MIA2: variants seen among roughly 807,000 people sequenced by gnomAD.
MIA2 encodes the protein MIA SH3 domain ER export factor 2.
In MIA2, 127 loss-of-function variants were observed where a neutral mutation model predicts 167.8. The ratio of observed to expected loss-of-function variants is 0.76; its 90% confidence interval spans 0.66 to 0.88. MIA2 has a LOEUF of 0.88. MIA2 is among the 40% of genes least tolerant of loss of function. The pLI is 0.00. For synonymous variants in MIA2, 552 were observed against 541.9 expected (o/e 1.02, Z -0.26); for missense variants, 1,690 against 1,624.7 (o/e 1.04, Z -0.69).
chr14:39,242,171 A>G (rs2054072886), intron 3 of MIA2, among the ~76,000 whole-genome samples: 1 of 152,204 alleles, frequency 6.6e-6, no homozygotes, highest in Non-Finnish European at 1.5e-5. Flanking sequence ...ATGTATACCA[A>G]TTATACCTCA....
Position 39,299,888 on chromosome 14 carries a change from A to G in MIA2, c.2521A>G (p.Lys841Glu), listed in dbSNP as rs1244376688. ...GCTTTTGCAAGAAGCTGAAGTATGG[A>G]AAGAACAAGTGAGTGAACTTAATAA... ...KQLLQEAEVW[K>E]EQVSELNKQK... Residue 841 changes from lysine (K) to glutamate (E), a missense_variant, in exon 14 of 29, where the codon AAA becomes GAA. Lys to Glu is a moderately conservative substitution (Grantham distance 56, BLOSUM62 1). Transcript: ENST00000640607. 9 of 1,606,124 alleles carry G rather than the reference A, an allele frequency of 5.6e-6. No homozygotes were observed. The Admixed American group carries it at 6.8e-5, about 12-fold the overall frequency.
chr14:39,250,105 T>C (rs940045271), intron 4 of MIA2, among the ~76,000 whole-genome samples: 5 of 152,154 alleles, frequency 3.3e-5, no homozygotes, highest in Non-Finnish European at 5.9e-5. Context: ...CCTAAAGGAA[T>C]ATTTATGAAA....
intron 23 of MIA2, among the ~76,000 whole-genome samples, chr14:39,378,830 TGAA>T: frequency 6.6e-6 from 1 of 152,322 alleles, no homozygotes; most frequent in East Asian, 1.9e-4. Flanking sequence ...AAAAAATTAA[TGAA>T]GACCGAATTT....
chr14:39,248,103 C>G lies in MIA2; in HGVS notation c.1529C>G (p.Thr510Arg), dbSNP rs1180826719. ...FSIDNYPTDN[T>R]KVMIFKSSYS... Reference sequence around the variant, plus strand: ...ATTGATAATTATCCCACAGATAATACAAAAGTTATGATATTCAAAAGTTCA... The same window carrying G: ...ATTGATAATTATCCCACAGATAATAGAAAAGTTATGATATTCAAAAGTTCA... Residue 510 changes from threonine (T) to arginine (R), a missense_variant, in exon 4 of 29, where the codon ACA (threonine) becomes AGA (arginine). Coordinates refer to ENST00000640607, the MANE Select transcript of MIA2 (RefSeq NM_001329214.4). The G allele has an allele frequency of 6.5e-7, 1 of 1,530,562 alleles. No homozygotes were observed. Among genetic ancestry groups the G allele is most frequent in the African/African-American group, 1.4e-5 (1 of 71,698 alleles). The allele number at this position is 1,530,562 out of a possible 1,614,324, so 94.8% of individuals were successfully genotyped here. A position where few individuals can be genotyped will look rare whatever the true frequency, so the allele number is the denominator to read the frequency against.
At chr14:39,257,391 G>A (rs1264614450) in intron 6 of MIA2, among the ~76,000 whole-genome samples, 1 of 151,708 alleles carries the variant, frequency 6.6e-6, no homozygotes, top group Non-Finnish European at 1.5e-5. Context: ...TTTTATCAGA[G>A]ACTAGGATTG....
At chr14:39,269,080 T>TTTTTTTTTTA in intron 6 of MIA2, 1 of 654,854 alleles carries the variant, frequency 1.5e-6, no homozygotes, top group South Asian at 6.7e-5. Context: ...CACAGTTTTT[T>TTTTTTTTTTA]TTTTTTTTTT....
At chr14:39,346,060 A>G (rs1436053441) in intron 26 of MIA2, 34 bp downstream of exon 26, 3 of 1,591,478 alleles carry the variant, frequency 1.9e-6, no homozygotes, top group African/African-American at 2.7e-5. Context: ...TTCTTTAAAA[A>G]TTTTGGTGGC....
chr14:39,346,912 G>T, intron 26 of MIA2: 1 of 326,542 alleles, frequency 3.1e-6, no homozygotes, highest in South Asian at 2.5e-5. Flanking sequence ...AGCCTGGAAA[G>T]TCAGTATTTT....
chr14:39,336,659 G>T (rs2070487468), intron 25 of MIA2, among the ~76,000 whole-genome samples: 1 of 152,148 alleles, frequency 6.6e-6, no homozygotes, highest in African/African-American at 2.4e-5. Context: ...AACAAGACTG[G>T]CTTAGGTGAA....
At chr14:39,380,691 C>CAA (rs145179098) in intron 23 of MIA2, among the ~76,000 whole-genome samples, 183 of 84,702 alleles carry the variant, frequency 2.2e-3, no homozygotes, top group East Asian at 5.3e-3. Flanking sequence ...GACTCAGACT[C>CAA]AAAAAAAAAA....
At position 39,237,025 on chromosome 14, in the gene MIA2, A is replaced by T. The variant is rs558258284; in HGVS notation, c.219A>T (p.Ala73=). The part of the protein sequence containing the change: ...GEEISVYVKL[A]GEREDLWAGS... Reference sequence around the variant, plus strand: ...AGATATCTGTTTATGTTAAACTTGCAGGAGAAAGGGAAGATTTGTGGGCAG... The same window carrying T: ...AGATATCTGTTTATGTTAAACTTGCTGGAGAAAGGGAAGATTTGTGGGCAG... Residue 73 remains alanine (A), a synonymous_variant, in exon 2 of 29, where the codon GCA becomes GCT. Coordinates refer to ENST00000640607, the MANE Select transcript of MIA2 (RefSeq NM_001329214.4). The T allele has an allele frequency of 1.9e-6, 3 of 1,614,120 alleles. No individual in the cohort carries two copies. The highest frequency in any genetic ancestry group is 4.5e-5 in the East Asian group (2 of 44,880).
intron 6 of MIA2, 152 bp from the exon 7 acceptor site, chr14:39,276,782 A>C (rs2058063624): frequency 1.4e-6 from 1 of 727,528 alleles, no homozygotes; most frequent in Middle Eastern, 4.0e-4. Flanking sequence ...ATAGTGATTG[A>C]AAGTTGACAA....
chr14:39,345,726 G>T (rs1216706612), intron 25 of MIA2, among the ~76,000 whole-genome samples, 178 bp from the exon 26 acceptor site: 1 of 152,092 alleles, frequency 6.6e-6, no homozygotes, highest in Non-Finnish European at 1.5e-5. Flanking sequence ...TTACTATAAA[G>T]GTTATTGCCT....
chr14:39,289,234 T>A (rs1258777098), intron 9 of MIA2, among the ~76,000 whole-genome samples: 4 of 152,114 alleles, frequency 2.6e-5, no homozygotes, highest in Admixed American at 1.3e-4. Context: ...TTTCTTTTTT[T>A]TTTTTTGAGA....
chr14:39,277,706 A>T (rs1360354076), intron 7 of MIA2, among the ~76,000 whole-genome samples: 17 of 6,494 alleles, frequency 2.6e-3, no homozygotes, highest in African/African-American at 0.012. Context: ...ATATATATAT[A>T]TATATATATG....
At chr14:39,259,301 G>A (rs569640154) in intron 6 of MIA2, among the ~76,000 whole-genome samples, 2 of 152,312 alleles carry the variant, frequency 1.3e-5, no homozygotes, top group South Asian at 4.1e-4. Flanking sequence ...TGACCAGTGA[G>A]GAGGAATCTA....
chr14:39,243,122 C>A (rs74691033), intron 3 of MIA2, among the ~76,000 whole-genome samples: 546 of 126,964 alleles, frequency 4.3e-3, no homozygotes, highest in African/African-American at 4.9e-3. Flanking sequence ...AACTTTGTCT[C>A]AAAAAAAAAA....
chr14:39,364,973 A>G (rs1030535005), intron 23 of MIA2, among the ~76,000 whole-genome samples: 8 of 151,710 alleles, frequency 5.3e-5, no homozygotes, highest in African/African-American at 9.7e-5. Context: ...AATTTCCTGT[A>G]TTTGGATGTT....
intron 21 of MIA2, among the ~76,000 whole-genome samples, chr14:39,315,994 T>G (rs563723783): frequency 4.1e-4 from 63 of 152,332 alleles, no homozygotes; most frequent in Non-Finnish European, 5.6e-4. Flanking sequence ...ATGGACTGAT[T>G]GTTCCAGGGC....
Sources: gnomAD v4.1 joint callset for allele counts (sites outside exome capture counted in the v4.1 genomes callset) on GRCh38, gnomAD v4.1.1 for gene constraint, MANE v1.5 for transcripts, NCBI Gene and HGNC (gene_info 2026-07-23, HGNC 2026-07-21) for gene names.